DDC: variants seen among roughly 807,000 people sequenced by gnomAD.
DDC encodes the protein dopa decarboxylase.
Under a neutral mutation model 60.0 loss-of-function variants are expected in DDC, and 43 were observed. The ratio of observed to expected loss-of-function variants is 0.72; its 90% CI spans 0.56 to 0.92. The LOEUF (loss-of-function observed/expected upper bound fraction) is 0.92. DDC is among the 40% of genes least tolerant of loss of function. DDC has a pLI of 0.00. For synonymous variants in DDC, 232 were observed against 234.6 expected (o/e 0.99, Z 0.10); for missense variants, 573 against 620.2 (o/e 0.92, Z 0.81).
In DDC at chr7:50,488,148, TA is replaced by T. The variant is rs528540585; in HGVS notation, c.944+7201del. ...CCATCAGTTTTTATAAGTAATCTAT[TA>T]AAAAATTAATTAGATAAATATAATA... On this transcript the variant is annotated intron_variant, in intron 9 of 14. Coordinates refer to ENST00000444124, the MANE Select transcript of DDC (RefSeq NM_001082971.2). Among the ~76,000 whole-genome samples, 329 of 152,054 alleles carry T rather than the reference TA, an allele frequency of 2.2e-3. 1 individual carries two copies. The highest frequency in any genetic ancestry group is 7.7e-3 in the African/African-American group (318 of 41,540).
At chr7:50,468,498 A>G (rs763731400) in intron 12 of DDC, among the ~76,000 whole-genome samples, 12 of 152,164 alleles carry the variant, frequency 7.9e-5, no homozygotes, top group Non-Finnish European at 1.3e-4. Flanking sequence ...GAATTCATAT[A>G]CATACTCCTT....
At chr7:50,553,400 C>A (rs1400366671) in intron 1 of DDC, among the ~76,000 whole-genome samples, 1 of 151,868 alleles carries the variant, frequency 6.6e-6, no homozygotes, top group African/African-American at 2.4e-5. Flanking sequence ...CAAGCATATA[C>A]TTATAAATCC....
intron 2 of DDC, chr7:50,540,263 A>C: frequency 2.0e-6 from 1 of 503,364 alleles, no homozygotes; most frequent in Non-Finnish European, 3.7e-6. Context: ...TTGACACTGG[A>C]ATGTATTTGC....
intron 11 of DDC, among the ~76,000 whole-genome samples, chr7:50,475,321 A>G (rs576504509): frequency 1.8e-4 from 27 of 152,356 alleles, no homozygotes; most frequent in African/African-American, 6.5e-4. Context: ...AGTCAGATTG[A>G]CAATGGGATT....
At chr7:50,529,430 C>T in intron 4 of DDC, 88 bp from the exon 5 acceptor site, 1 of 1,519,134 alleles carries the variant, frequency 6.6e-7, no homozygotes, top group Non-Finnish European at 9.1e-7. Flanking sequence ...GTTTTGTGTC[C>T]ATAGTTTTCT....
intron 9 of DDC, 37 bp downstream of exon 9, chr7:50,495,313 G>C: frequency 6.6e-7 from 1 of 1,525,632 alleles, no homozygotes; most frequent in Non-Finnish European, 9.1e-7. Context: ...CTGTCACCTC[G>C]GACAGGCAAC....
intron 1 of DDC, among the ~76,000 whole-genome samples, chr7:50,554,822 G>GT (rs1473689328): frequency 1.3e-5 from 2 of 152,158 alleles, no homozygotes; most frequent in Non-Finnish European, 2.9e-5. Flanking sequence ...TAGCACATGA[G>GT]TTTTCTCAAC....
chr7:50,478,666 C>T (rs2042701689), intron 10 of DDC, among the ~76,000 whole-genome samples: 1 of 152,164 alleles, frequency 6.6e-6, no homozygotes, highest in Non-Finnish European at 1.5e-5. Context: ...AATGACAAAC[C>T]TCTTAGCCAG....
chr7:50,476,588 C>T (rs1168698778), intron 11 of DDC, 36 bp downstream of exon 11: 1 of 1,593,698 alleles, frequency 6.3e-7, no homozygotes, highest in South Asian at 1.1e-5. Flanking sequence ...CAGCACTCCA[C>T]TAGCATTTGA....
intron 8 of DDC, among the ~76,000 whole-genome samples, chr7:50,498,832 TTTTGAG>T (rs2043180821): frequency 1.3e-5 from 2 of 152,262 alleles, no homozygotes; most frequent in South Asian, 4.1e-4. Flanking sequence ...TAAATTACTC[TTTTGAG>T]TTTAAGTTCA....
chr7:50,545,185 C>G (rs2044760320), intron 1 of DDC, among the ~76,000 whole-genome samples: 2 of 152,226 alleles, frequency 1.3e-5, no homozygotes, highest in South Asian at 4.1e-4. Flanking sequence ...CTTTGTTCAG[C>G]CTCAGCTGGG....
At chr7:50,490,785 C>T (rs1053574105) in intron 9 of DDC, among the ~76,000 whole-genome samples, 5 of 152,146 alleles carry the variant, frequency 3.3e-5, no homozygotes, top group Admixed American at 2.0e-4. Context: ...ACAAAAAGAG[C>T]GAGAGAGCAA....
chr7:50,465,338 T>A (rs1413884025), intron 13 of DDC, among the ~76,000 whole-genome samples: 1 of 152,200 alleles, frequency 6.6e-6, no homozygotes, highest in African/African-American at 2.4e-5. Context: ...TGGTGATGGC[T>A]GCACAATTCT....
chr7:50,531,892 G>T (rs558208786), intron 4 of DDC: 1 of 152,364 alleles, frequency 6.6e-6, no homozygotes, highest in East Asian at 1.9e-4. Flanking sequence ...GGTAGGAGGG[G>T]ATGCTGGTAA....
At position 50,470,170 on chromosome 7, in the gene DDC, T is replaced by A. The variant is rs1416194938; in HGVS notation, c.1043A>T (p.His348Leu). 1 of 1,604,990 alleles carries A rather than the reference T, an allele frequency of 6.2e-7. No individual in the cohort carries two copies. Among genetic ancestry groups the A allele is most frequent in the South Asian group, 1.1e-5 (1 of 90,914 alleles). Residue 348 changes from histidine to leucine, a missense_variant and splice_region_variant, in exon 12 of 15, where the codon CAT becomes CTT. By Grantham distance (99) the His-to-Leu change is moderately conservative. Coordinates refer to ENST00000444124, the MANE Select transcript of DDC (RefSeq NM_001082971.2). ...QDSGLITDYR[H>L]WQIPLGRRFR... Reference sequence around the variant, plus strand: ...TCTTCTGCCCAGTGGTATCTGCCAATGCTGAAATGAAACATGAAACAGACC... The same window carrying A: ...TCTTCTGCCCAGTGGTATCTGCCAAAGCTGAAATGAAACATGAAACAGACC...
chr7:50,490,130 ATGACATTTTCAGATTGCCT>A (rs1694721064), intron 9 of DDC, among the ~76,000 whole-genome samples: 1 of 152,230 alleles, frequency 6.6e-6, no homozygotes, highest in South Asian at 2.1e-4. Context: ...TTTGATTGGA[ATGACATTTTCAGATTGCCT>A]TGAGAAAATA....
intron 6 of DDC, 90 bp downstream of exon 6, chr7:50,528,047 C>T (rs1339297429): frequency 6.8e-7 from 1 of 1,466,332 alleles, no homozygotes; most frequent in East Asian, 2.4e-5. Context: ...CAAGAATGCG[C>T]CACCATGCCC....
At chr7:50,473,590 G>A (rs1278298656) in intron 11 of DDC, among the ~76,000 whole-genome samples, 1 of 152,230 alleles carries the variant, frequency 6.6e-6, no homozygotes. Context: ...TCACCCCAGA[G>A]AGCCTCCCAA....
intron 9 of DDC, among the ~76,000 whole-genome samples, chr7:50,493,468 C>G (rs1464208174): frequency 6.6e-6 from 1 of 152,192 alleles, no homozygotes; most frequent in Non-Finnish European, 1.5e-5. Flanking sequence ...CTTCCGAACT[C>G]CAGCCACCTT....
Sources: allele counts gnomAD v4.1 joint callset (sites outside exome capture counted in the v4.1 genomes callset), GRCh38; gene constraint gnomAD v4.1.1; transcripts MANE v1.5; gene names NCBI Gene and HGNC (gene_info 2026-07-23, HGNC 2026-07-21).